The following RGS13 variants were observed in gnomAD, a reference collection of about 807,000 sequenced individuals.
The protein encoded by RGS13 is regulator of G-protein signalling 13.
RGS13 carries 14 observed loss-of-function variants against 19.9 expected under a neutral mutation model. The ratio of observed to expected loss-of-function variants is 0.70; its 90% CI spans 0.46 to 1.10. RGS13 has a LOEUF of 1.10. RGS13 is among the 50% of genes least tolerant of loss of function. The probability of loss-of-function intolerance (pLI) is 0.00; values close to 1 mark genes in which losing one functional copy is unlikely to be tolerated. For synonymous variants in RGS13, 60 were observed against 56.8 expected, an observed-to-expected ratio of 1.06 and a Z score of -0.25; for missense variants, 205 against 187.1, an observed-to-expected ratio of 1.10 and a Z score of -0.56.
intron 4 of RGS13, chr1:192,644,627 A>G: frequency 2.3e-6 from 1 of 438,734 alleles, no homozygotes; most frequent in Non-Finnish European, 4.1e-6. Context: ...TTTAGAATCT[A>G]TTATGAATAG....
At chr1:192,640,864 CTCCT>C (rs1196278421) in intron 3 of RGS13, among the ~76,000 whole-genome samples, 1 of 152,144 alleles carries the variant, frequency 6.6e-6, no homozygotes, top group East Asian at 1.9e-4. Flanking sequence ...ATTCTAGCCC[CTCCT>C]TCTTCTTCAG....
At chr1:192,658,862 G>C (rs1663496213) in intron 6 of RGS13, 1 of 159,078 alleles carries the variant, frequency 6.3e-6, no homozygotes. Flanking sequence ...GAAAATACTT[G>C]GTTTATTGAA....
chr1:192,643,930 G>T (rs1297016235), intron 3 of RGS13, among the ~76,000 whole-genome samples: 1 of 152,134 alleles, frequency 6.6e-6, no homozygotes, highest in Non-Finnish European at 1.5e-5. Flanking sequence ...TCCAGGCTGG[G>T]TGACAGGGTG....
At chr1:192,651,599 C>CAAAGTAGGAAGAAGCA (rs138193779) in intron 5 of RGS13, among the ~76,000 whole-genome samples, 2,427 of 151,914 alleles carry the variant, frequency 0.016, 60 homozygotes, top group African/African-American at 0.054. Flanking sequence ...AGTAGGAATG[C>CAAAGTAGGAAGAAGCA]AAAGTAGGAA....
chr1:192,644,506 A>T, intron 4 of RGS13, 107 bp downstream of exon 4: 1 of 866,922 alleles, frequency 1.2e-6, no homozygotes, highest in East Asian at 2.5e-5. Context: ...TTCAGAAAGT[A>T]AAATTTGCAT....
At chr1:192,637,553 T>C (rs998645693) in intron 1 of RGS13, 37 bp from the exon 2 acceptor site, 3 of 151,960 alleles carry the variant, frequency 2.0e-5, no homozygotes, top group African/African-American at 7.2e-5. Context: ...AATAATCTTT[T>C]TGTTTTTGTT....
chr1:192,653,593 A>C (rs1663382403), intron 5 of RGS13, among the ~76,000 whole-genome samples: 2 of 152,102 alleles, frequency 1.3e-5, no homozygotes, highest in Non-Finnish European at 2.9e-5. Context: ...AGAGTGGCTA[A>C]ATATGTTATG....
intron 5 of RGS13, among the ~76,000 whole-genome samples, chr1:192,656,556 C>A (rs1663447415): frequency 6.6e-6 from 1 of 152,052 alleles, no homozygotes; most frequent in South Asian, 2.1e-4. Flanking sequence ...ATCCCCCTCA[C>A]ATTGGATAGG....
In RGS13 at chr1:192,658,181, G is replaced by T. The variant is rs200381599; in HGVS notation, c.128-20G>T. The stretch of plus-strand genomic sequence containing the variant: ...TGATTTTGACCCATGAAAATAAACT[G>T]ATTTCTCCTCTACTTTTAGATGGTC... On this transcript the variant is annotated intron_variant, in intron 5 of 6. Coordinates refer to ENST00000391995, the MANE Select transcript of RGS13 (RefSeq NM_002927.5). 8.2e-4 allele frequency: 1,282 copies of T among 1,571,620 alleles called. No individual in the cohort carries two copies. Among genetic ancestry groups the T allele is most frequent in the Non-Finnish European group, 1.0e-3 (1,198 of 1,158,414 alleles).
At chr1:192,645,525 C>T (rs1236812447) in intron 4 of RGS13, 1 of 152,094 alleles carries the variant, frequency 6.6e-6, no homozygotes, top group Non-Finnish European at 1.5e-5. Context: ...GGGATTAGAA[C>T]CTAGGACTGT....
intron 4 of RGS13, chr1:192,647,228 CA>C (rs1663238656): frequency 6.6e-6 from 1 of 152,136 alleles, no homozygotes; most frequent in Non-Finnish European, 1.5e-5. Context: ...AGCAATTTGG[CA>C]GTCTGTACCA....
At chr1:192,655,243 G>A (rs1663414021) in intron 5 of RGS13, among the ~76,000 whole-genome samples, 1 of 152,124 alleles carries the variant, frequency 6.6e-6, no homozygotes, top group Admixed American at 6.6e-5. Context: ...TGTAAAGTAT[G>A]CCAATCACAT....
chr1:192,648,131 G>T, intron 5 of RGS13, 144 bp downstream of exon 5: 1 of 481,612 alleles, frequency 2.1e-6, no homozygotes. Flanking sequence ...AAGAAAACCT[G>T]AAAATAGTTT....
At chr1:192,653,188 C>T (rs1388753198) in intron 5 of RGS13, among the ~76,000 whole-genome samples, 1 of 151,986 alleles carries the variant, frequency 6.6e-6, no homozygotes, top group Admixed American at 6.6e-5. Flanking sequence ...TAAGAAAACA[C>T]TAGCAATGCA....
intron 3 of RGS13, among the ~76,000 whole-genome samples, chr1:192,641,254 A>AAAGAAAGAAAAGAAAGAAAGAAAG (rs1553257010): frequency 1.5e-5 from 1 of 67,388 alleles, no homozygotes; most frequent in African/African-American, 5.1e-5. Context: ...GAAAAGAAAG[A>AAAGAAAGAAAAGAAAGAAAGAAAG]AAAGAAAGAA....
intron 5 of RGS13, 104 bp downstream of exon 5, chr1:192,648,091 C>A: frequency 3.0e-6 from 2 of 660,820 alleles, no homozygotes; most frequent in Non-Finnish European, 4.9e-6. Context: ...TTCTCACAGC[C>A]TTCTAACTGG....
In RGS13 at chr1:192,636,196, CT is replaced by C. The variant is rs1663016389; in HGVS notation, c.-233del. The C allele has an allele frequency of 6.6e-6, 1 of 151,988 alleles. No individual in the cohort carries two copies. Among genetic ancestry groups the C allele is most frequent in the South Asian group, 2.1e-4 (1 of 4,830 alleles). The allele number at this position is 151,988 out of a possible 1,614,324, so 9.4% of individuals were successfully genotyped here. A position where few individuals can be genotyped will look rare whatever the true frequency, so the allele number is the denominator to read the frequency against. ...AGGTAATTATAGAGACAGTAAAATC[CT>C]TTTACTCTGGGAAAAATAAAATGCT... On this transcript the variant is annotated 5_prime_UTR_variant, in exon 1 of 7. Coordinates refer to ENST00000391995, the MANE Select transcript of RGS13 (RefSeq NM_002927.5).
At chr1:192,642,275 T>C (rs371979143) in intron 3 of RGS13, among the ~76,000 whole-genome samples, 19 of 151,966 alleles carry the variant, frequency 1.3e-4, no homozygotes, top group African/African-American at 4.6e-4. Context: ...CTCAGCTCAC[T>C]GTCTCATTCT....
intron 2 of RGS13, among the ~76,000 whole-genome samples, 182 bp from the exon 3 acceptor site, chr1:192,637,982 G>C (rs1007901130): frequency 6.6e-6 from 1 of 151,966 alleles, no homozygotes; most frequent in African/African-American, 2.4e-5. Context: ...GTTCTCAATT[G>C]TAAATGTGAG....
Sources: gnomAD v4.1 joint callset for allele counts (sites outside exome capture counted in the v4.1 genomes callset) on GRCh38, gnomAD v4.1.1 for gene constraint, MANE v1.5 for transcripts, NCBI Gene and HGNC (gene_info 2026-07-23, HGNC 2026-07-21) for gene names.